The following FBXW7 variants were observed in gnomAD, a reference collection of about 807,000 sequenced individuals.
FBXW7 encodes F-box and WD repeat domain containing 7.
In FBXW7, 11 loss-of-function variants were observed where a neutral mutation model predicts 86.3. That is an observed-to-expected ratio of 0.13 (90% CI 0.08 to 0.21). The LOEUF is 0.21. FBXW7 is among the 10% of genes least tolerant of loss of function. The pLI, the probability that FBXW7 is intolerant of heterozygous loss-of-function variation, is 1.00. For synonymous variants in FBXW7, 313 were observed against 297.9 expected (o/e 1.05, Z -0.52); for missense variants, 488 against 847.4 (o/e 0.58, Z 5.27).
intron 4 of FBXW7, among the ~76,000 whole-genome samples, chr4:152,400,108 G>C (rs1388778300): frequency 6.6e-6 from 1 of 152,180 alleles, no homozygotes; most frequent in Non-Finnish European, 1.5e-5. Flanking sequence ...ATTAAAAGTA[G>C]ATGAATGGAA....
intron 2 of FBXW7, among the ~76,000 whole-genome samples, chr4:152,481,356 C>T (rs1454527240): frequency 6.6e-6 from 1 of 152,218 alleles, no homozygotes; most frequent in Non-Finnish European, 1.5e-5. Context: ...TCATTGCTCA[C>T]TGACATTGCT....
rs780367283 is a variant in FBXW7, at chr4:152,326,210, A to G, written c.1440T>C (p.Asp480=). The G allele has an allele frequency of 1.2e-6, 2 of 1,613,186 alleles. No homozygotes were observed. Among genetic ancestry groups the G allele is most frequent in the Non-Finnish European group, 1.7e-6 (2 of 1,179,420 alleles). Reference sequence around the variant, plus strand: ...CAATATCCCAAACCCTAAGAGTGGCATCTCGAGAACCGCTAACAACTCTGC... The same window carrying G: ...CAATATCCCAAACCCTAAGAGTGGCGTCTCGAGAACCGCTAACAACTCTGC... The part of the protein sequence containing the change: ...HEKRVVSGSR[D]ATLRVWDIET... Residue 480 remains aspartate (D), a synonymous_variant, in exon 12 of 14, where the codon GAT becomes GAC. Transcript: ENST00000281708.
At chr4:152,506,151 A>C (rs537429128) in intron 2 of FBXW7, among the ~76,000 whole-genome samples, 1 of 151,504 alleles carries the variant, frequency 6.6e-6, no homozygotes, top group Non-Finnish European at 1.5e-5. Flanking sequence ...TTTTTTTTTG[A>C]GACGGAGTCT....
At chr4:152,359,037 T>C (rs1312022755) in intron 4 of FBXW7, among the ~76,000 whole-genome samples, 1 of 152,190 alleles carries the variant, frequency 6.6e-6, no homozygotes, top group Non-Finnish European at 1.5e-5. Flanking sequence ...AGTATGTATG[T>C]AAATTACAAG....
chr4:152,492,209 T>C (rs182628247), intron 2 of FBXW7, among the ~76,000 whole-genome samples: 68 of 152,354 alleles, frequency 4.5e-4, no homozygotes, highest in African/African-American at 1.6e-3. Flanking sequence ...GTTGTGTACA[T>C]TTGCCATTCT....
chr4:152,533,784 C>G (rs547823157), intron 2 of FBXW7, among the ~76,000 whole-genome samples: 4 of 152,088 alleles, frequency 2.6e-5, no homozygotes, highest in Non-Finnish European at 4.4e-5. Context: ...GAACTCATTA[C>G]TTTAAAAAAA....
At chr4:152,404,719 T>C (rs1737252211) in intron 4 of FBXW7, among the ~76,000 whole-genome samples, 2 of 152,166 alleles carry the variant, frequency 1.3e-5, no homozygotes, top group South Asian at 2.1e-4. Flanking sequence ...TCTGTACATA[T>C]ACTGAATACC....
At chr4:152,378,104 G>A (rs775787436) in intron 4 of FBXW7, among the ~76,000 whole-genome samples, 1 of 152,014 alleles carries the variant, frequency 6.6e-6, no homozygotes, top group African/African-American at 2.4e-5. Context: ...CCAACTACAC[G>A]GTCCACAAAG....
chr4:152,365,233 G>A (rs115365121), intron 4 of FBXW7, among the ~76,000 whole-genome samples: 123 of 152,238 alleles, frequency 8.1e-4, no homozygotes, highest in Non-Finnish European at 1.3e-3. Flanking sequence ...TGAGGCTGAA[G>A]AAGTAGACAA....
At chr4:152,465,771 G>C (rs899960401) in intron 2 of FBXW7, among the ~76,000 whole-genome samples, 17 of 151,382 alleles carry the variant, frequency 1.1e-4, no homozygotes, top group African/African-American at 3.9e-4. Context: ...TTGAACCCAG[G>C]AGGCAGAGGT....
At chr4:152,477,265 A>C (rs1334120496) in intron 2 of FBXW7, among the ~76,000 whole-genome samples, 1 of 152,184 alleles carries the variant, frequency 6.6e-6, no homozygotes, top group Non-Finnish European at 1.5e-5. Context: ...GGGTAGGTCA[A>C]TATTAGAAAA....
intron 4 of FBXW7, chr4:152,382,242 T>C: frequency 6.2e-7 from 1 of 1,601,578 alleles, no homozygotes; most frequent in Non-Finnish European, 8.5e-7. Flanking sequence ...CTAAATATCT[T>C]CATCACAGTT....
chr4:152,446,287 C>G (rs954933771), intron 2 of FBXW7, among the ~76,000 whole-genome samples: 2 of 151,942 alleles, frequency 1.3e-5, no homozygotes, highest in Non-Finnish European at 2.9e-5. Context: ...AAACAGTATT[C>G]TTAGCAAAAA....
chr4:152,475,725 C>T (rs1023535107), intron 2 of FBXW7, among the ~76,000 whole-genome samples: 5 of 151,992 alleles, frequency 3.3e-5, no homozygotes, highest in Non-Finnish European at 5.9e-5. Flanking sequence ...TAAGTTAGTA[C>T]ATCAAAAATT....
intron 2 of FBXW7, among the ~76,000 whole-genome samples, chr4:152,439,091 A>G (rs544975997): frequency 3.3e-5 from 5 of 152,322 alleles, no homozygotes; most frequent in African/African-American, 1.2e-4. Context: ...TGATGACCTT[A>G]AGAAAAAAAC....
At chr4:152,469,923 T>C (rs1005599491) in intron 2 of FBXW7, among the ~76,000 whole-genome samples, 9 of 152,072 alleles carry the variant, frequency 5.9e-5, no homozygotes, top group Admixed American at 3.3e-4. Flanking sequence ...ATATTTAACA[T>C]GGAGAATATT....
intron 4 of FBXW7, among the ~76,000 whole-genome samples, chr4:152,362,221 A>G (rs1041289701): frequency 3.9e-5 from 6 of 152,138 alleles, no homozygotes; most frequent in African/African-American, 1.2e-4. Context: ...GAACTGCTAC[A>G]TGGTAAATTG....
intron 2 of FBXW7, among the ~76,000 whole-genome samples, chr4:152,437,844 C>G (rs1462262581): frequency 6.6e-6 from 1 of 152,188 alleles, no homozygotes; most frequent in Non-Finnish European, 1.5e-5. Context: ...TCGTGACTCC[C>G]TGAAGGCTCA....
chr4:152,361,965 C>CAAAAAAA (rs569330155), intron 4 of FBXW7, among the ~76,000 whole-genome samples: 1 of 37,106 alleles, frequency 2.7e-5, no homozygotes. Context: ...GACTCCATCT[C>CAAAAAAA]AAAAAAAAAA....
Sources: allele counts gnomAD v4.1 joint callset (sites outside exome capture counted in the v4.1 genomes callset), GRCh38; gene constraint gnomAD v4.1.1; transcripts MANE v1.5; gene names NCBI Gene and HGNC (gene_info 2026-07-23, HGNC 2026-07-21).